The following IL4R variants were observed in gnomAD, a reference collection of about 807,000 sequenced individuals.
IL4R encodes interleukin-4 receptor subunit alpha.
Under a neutral mutation model 41.5 loss-of-function variants are expected in IL4R, and 17 were observed. The observed-to-expected ratio is 0.41, with a 90% CI of 0.28 to 0.61. The LOEUF (loss-of-function observed/expected upper bound fraction) is 0.61, where lower values mean the gene tolerates loss of function less well. IL4R is among the 20% of genes least tolerant of loss of function. The pLI is 0.31. For missense variants in IL4R, 974 were observed against 1,043.1 expected (o/e 0.93, Z 0.91); for synonymous variants, 402 against 422.9 (o/e 0.95, Z 0.61).
At chr16:27,330,948 G>A (rs1307526199) in intron 2 of IL4R, among the ~76,000 whole-genome samples, 2 of 152,016 alleles carry the variant, frequency 1.3e-5, no homozygotes, top group Non-Finnish European at 1.5e-5. Context: ...TTGGATGTGT[G>A]AGCTGGCCCT....
At chr16:27,350,233 T>C (rs1213034240) in intron 6 of IL4R, among the ~76,000 whole-genome samples, 2 of 152,220 alleles carry the variant, frequency 1.3e-5, no homozygotes, top group Admixed American at 6.5e-5. Context: ...CATTTCCCAG[T>C]TCCCAGCTCC....
In IL4R at chr16:27,363,947, C is replaced by T; in HGVS notation, c.*117C>T. 2 of 1,257,754 alleles carry T rather than the reference C, an allele frequency of 1.6e-6. No homozygotes were observed. Among genetic ancestry groups the T allele is most frequent in the Non-Finnish European group, 2.2e-6 (2 of 909,570 alleles). The allele number at this position is 1,257,754 out of a possible 1,614,324, so 77.9% of individuals were successfully genotyped here. The stretch of plus-strand genomic sequence containing the variant: ...CAGATTTCCAAAAGACTTGAAGAAC[C>T]ATGGTATGAAGGTGATTGGCCCCAC... On this transcript the variant is annotated 3_prime_UTR_variant, in exon 11 of 11. Coordinates refer to ENST00000395762, the MANE Select transcript of IL4R (RefSeq NM_000418.4).
In IL4R at chr16:27,325,407, G is replaced by A. The variant is rs140757978; in HGVS notation, c.-151-4659G>A. On this transcript the variant is annotated intron_variant, in intron 1 of 10. Coordinates refer to ENST00000395762, the MANE Select transcript of IL4R (RefSeq NM_000418.4). Reference sequence around the variant, plus strand: ...GCCAACATGGCAAAACCCTGTGTCTGCTAAAAATACAAAAAAATTAGCTGG... The same window carrying A: ...GCCAACATGGCAAAACCCTGTGTCTACTAAAAATACAAAAAAATTAGCTGG... 5.6e-3 allele frequency among the ~76,000 whole-genome samples: 856 copies of A among 152,020 alleles called. 10 individuals are homozygous for A. Among genetic ancestry groups the A allele is most frequent in the African/African-American group, 0.019 (802 of 41,458 alleles).
rs1474069523 is a variant in IL4R at position 27,362,345 on chromosome 16, G to A, written c.993G>A (p.Met331Ile). Residue 331 changes from methionine to isoleucine, a missense_variant, in exon 11 of 11, where the codon ATG (methionine) becomes ATA (isoleucine). Physicochemically the swap from Met to Ile is conservative, Grantham distance 10. Coordinates refer to ENST00000395762, the MANE Select transcript of IL4R (RefSeq NM_000418.4). Reference protein sequence around the residue: ...DEDPHKAAKEMPFQGSGKSAW... With the variant: ...DEDPHKAAKEIPFQGSGKSAW... ...ATCCTCACAAGGCTGCCAAAGAGAT[G>A]CCTTTCCAGGGCTCTGGAAAATCAG... 1.2e-6 allele frequency: 2 copies of A among 1,614,164 alleles called. No individual in the cohort carries two copies. The highest frequency in any genetic ancestry group is 1.7e-6 in the Non-Finnish European group (2 of 1,180,046).
At chr16:27,341,952 T>G (rs1202181186) in intron 3 of IL4R, 169 bp from the exon 4 acceptor site, 22 of 638,316 alleles carry the variant, frequency 3.4e-5, no homozygotes, top group Non-Finnish European at 5.5e-5. Context: ...ATCCCGACAC[T>G]AGCTGGGAAG....
chr16:27,355,685 T>G, intron 7 of IL4R, 123 bp from the exon 8 acceptor site: 2 of 634,318 alleles, frequency 3.2e-6, no homozygotes, highest in South Asian at 1.8e-5. Flanking sequence ...GGAGGGGTGG[T>G]CGGCGGTCAG....
At chr16:27,361,034 C>G in intron 10 of IL4R, 1 of 1,431,514 alleles carries the variant, frequency 7.0e-7, no homozygotes, top group Non-Finnish European at 9.1e-7. Context: ...CATGGTGATA[C>G]CCCTTGGGAG....
intron 2 of IL4R, among the ~76,000 whole-genome samples, chr16:27,338,551 G>T (rs2085333875): frequency 6.6e-6 from 1 of 151,864 alleles, no homozygotes; most frequent in African/African-American, 2.4e-5. Context: ...ATAATAGCTG[G>T]TGCTATGGGC....
At chr16:27,339,204 A>T (rs2085357906) in intron 2 of IL4R, among the ~76,000 whole-genome samples, 1 of 152,042 alleles carries the variant, frequency 6.6e-6, no homozygotes, top group South Asian at 2.1e-4. Flanking sequence ...ATGAGGTCTC[A>T]CTATATTCCC....
At chr16:27,342,092 C>A (rs2085459791) in intron 3 of IL4R, 29 bp from the exon 4 acceptor site, 2 of 1,611,032 alleles carry the variant, frequency 1.2e-6, no homozygotes, top group Non-Finnish European at 1.7e-6. Flanking sequence ...AGTTCCTGGG[C>A]CGCTCAGGCT....
intron 3 of IL4R, among the ~76,000 whole-genome samples, chr16:27,341,793 G>A (rs150009504): frequency 1.3e-5 from 2 of 152,328 alleles, no homozygotes; most frequent in Non-Finnish European, 2.9e-5. Context: ...GGCTTGGTGT[G>A]ATGGAATGGC....
intron 3 of IL4R, among the ~76,000 whole-genome samples, chr16:27,340,690 C>T (rs1456857791): frequency 6.6e-6 from 1 of 152,058 alleles, no homozygotes; most frequent in Non-Finnish European, 1.5e-5. Flanking sequence ...CCACTCCACT[C>T]CAGCCTGCGT....
intron 9 of IL4R, 141 bp from the exon 10 acceptor site, chr16:27,360,625 T>G (rs937455181): frequency 5.9e-6 from 6 of 1,012,292 alleles, no homozygotes; most frequent in Non-Finnish European, 6.2e-6. Context: ...CCCAGGAATC[T>G]GAAGCTCAGA....
intron 1 of IL4R, among the ~76,000 whole-genome samples, chr16:27,326,031 T>TC (rs1484071971): frequency 1.3e-5 from 2 of 152,092 alleles, no homozygotes; most frequent in African/African-American, 4.8e-5. Flanking sequence ...GGCTCTGTCT[T>TC]CAACACAGAT....
At chr16:27,324,630 A>AT (rs1449398775) in intron 1 of IL4R, among the ~76,000 whole-genome samples, 1 of 152,196 alleles carries the variant, frequency 6.6e-6, no homozygotes, top group African/African-American at 2.4e-5. Flanking sequence ...TTGCAGAAAG[A>AT]TGGAGGCCAG....
At chr16:27,349,996 C>G (rs1194796428) in intron 6 of IL4R, among the ~76,000 whole-genome samples, 1 of 152,194 alleles carries the variant, frequency 6.6e-6, no homozygotes, top group Non-Finnish European at 1.5e-5. Flanking sequence ...AGTGATCCCC[C>G]TGGCTCAGCC....
intron 7 of IL4R, chr16:27,355,513 G>T: frequency 2.6e-6 from 1 of 378,804 alleles, no homozygotes; most frequent in Non-Finnish European, 5.0e-6. Flanking sequence ...GGAGCCATCC[G>T]GCTCCTAAGT....
Position 27,355,847 on chromosome 16 carries a change from T to C in IL4R, c.710T>C (p.Val237Ala). ...EPFEQHLLLG[V>A]SVSCIVILAV... ...TTCGAGCAGCACCTCCTGCTGGGCG[T>C]CAGCGTTTCCTGCATTGTCATCCTG... Residue 237 changes from valine to alanine, a missense_variant, in exon 8 of 11, where the codon GTC becomes GCC. This residue lies in a region of IL4R where 284 missense variants were observed against 313.4 expected (regional missense o/e 0.91). Transcript: ENST00000395762. 1.2e-6 allele frequency: 2 copies of C among 1,613,750 alleles called. No individual in the cohort carries two copies. The highest frequency in any genetic ancestry group is 1.7e-6 in the Non-Finnish European group (2 of 1,179,952).
intron 1 of IL4R, among the ~76,000 whole-genome samples, chr16:27,326,728 C>A (rs116315283): frequency 0.02 from 2,999 of 152,232 alleles, 95 homozygotes; most frequent in African/African-American, 0.068. Context: ...TGAGCCACAG[C>A]AGGCCCACAG....
Sources: allele counts gnomAD v4.1 joint callset (sites outside exome capture counted in the v4.1 genomes callset), GRCh38; gene constraint gnomAD v4.1.1; regional missense constraint gnomAD v4.1.1; transcripts MANE v1.5; gene names NCBI Gene and HGNC (gene_info 2026-07-23, HGNC 2026-07-21).